The following TMEM178B variants were observed in gnomAD, a reference collection of about 807,000 sequenced individuals.
TMEM178B encodes transmembrane protein 178B.
Under a neutral mutation model 31.0 loss-of-function variants are expected in TMEM178B, and 5 were observed. That is an observed-to-expected ratio of 0.16 (90% CI 0.08 to 0.34). The LOEUF (loss-of-function observed/expected upper bound fraction) is 0.34. Ranked by LOEUF, TMEM178B falls within the 10% of genes least tolerant of loss-of-function variation. The pLI, the probability that TMEM178B is intolerant of heterozygous loss-of-function variation, is 1.00. For synonymous variants in TMEM178B, 164 were observed against 164.0 expected (o/e 1.00, Z 0.00); for missense variants, 275 against 400.3 (o/e 0.69, Z 2.67).
At chr7:141,484,088 C>G (rs1563195283), downstream of TMEM178B, among the ~76,000 whole-genome samples, 1 of 152,138 alleles carries the variant, frequency 6.6e-6, no homozygotes, top group Non-Finnish European at 1.5e-5. This position sits in a 1 kb window ranked among gnomAD's most constrained non-coding sequence, Gnocchi z 4.8. Context: ...CCCACACGTA[C>G]CCCACTCACC....
chr7:141,311,621 T>C (rs1798911617), intron 2 of TMEM178B, among the ~76,000 whole-genome samples: 1 of 152,252 alleles, frequency 6.6e-6, no homozygotes, highest in Admixed American at 6.5e-5. Context: ...CCAATTCTCT[T>C]CTCTGATTTT....
chr7:141,504,569 C>G, the TMEM178B span, among the ~76,000 whole-genome samples: 1 of 152,188 alleles, frequency 6.6e-6, no homozygotes, highest in Admixed American at 6.5e-5. Flanking sequence ...GAATGCTCCT[C>G]AAAATGTTCT....
chr7:141,358,206 C>A (rs1383442189), intron 2 of TMEM178B, among the ~76,000 whole-genome samples: 1 of 152,142 alleles, frequency 6.6e-6, no homozygotes, highest in Non-Finnish European at 1.5e-5. Context: ...AGGAAACATC[C>A]TTTCTTAACA....
chr7:141,221,865 T>C (rs1428283400), intron 2 of TMEM178B, among the ~76,000 whole-genome samples: 1 of 152,248 alleles, frequency 6.6e-6, no homozygotes, highest in Non-Finnish European at 1.5e-5. Flanking sequence ...ATGGGGTCGA[T>C]TGCCTGGAAG....
chr7:141,435,701 A>G (rs557053147), intron 2 of TMEM178B, among the ~76,000 whole-genome samples: 15 of 152,340 alleles, frequency 9.8e-5, no homozygotes, highest in Admixed American at 3.9e-4. Context: ...ATTGTGATCA[A>G]ACGATGGTTT....
rs1249573964 is a variant in TMEM178B, at chr7:141,475,667, GC to G, written c.*4886del. The stretch of plus-strand genomic sequence containing the variant: ...TGGCAGCAAGAGTGCAGGGCCCTGA[GC>G]CCCCAGAGATAGCAAAGAGGCCTAA... On this transcript the variant is annotated 3_prime_UTR_variant, in exon 4 of 4. Coordinates refer to ENST00000565468, the MANE Select transcript of TMEM178B (RefSeq NM_001195278.2). 6.6e-6 allele frequency: 1 copy of G among 152,262 alleles called. No individual in the cohort carries two copies. The highest frequency in any genetic ancestry group is 2.4e-5 in the African/African-American group (1 of 41,422). 9.4% of individuals were successfully genotyped at this position (152,262 alleles called of 1,614,324 possible).
chr7:141,276,268 G>A lies in TMEM178B; in HGVS notation c.496+63564G>A, dbSNP rs186842948. ...GTGAGTCCTGTGGAAACAAGCATGA[G>A]TCAGAGCTGGAAATACACTCATGCA... On this transcript the variant is annotated intron_variant, in intron 2 of 3. Transcript: ENST00000565468. Among the ~76,000 whole-genome samples the A allele has an allele frequency of 3.0e-4, 46 of 152,312 alleles. No homozygotes were observed. In the East Asian group the frequency reaches 7.1e-3, roughly 24 times the overall value.
chr7:141,129,714 GC>G (rs1795563675), intron 1 of TMEM178B, among the ~76,000 whole-genome samples: 1 of 152,142 alleles, frequency 6.6e-6, no homozygotes, highest in Admixed American at 6.5e-5. Context: ...CCTCAGGAGG[GC>G]CTGAGAACAG....
At chr7:141,099,903 C>T (rs528280930) in intron 1 of TMEM178B, among the ~76,000 whole-genome samples, 4 of 149,998 alleles carry the variant, frequency 2.7e-5, no homozygotes, top group Non-Finnish European at 5.9e-5. Context: ...GATCTCGGCT[C>T]ACTGCAAGCT....
At chr7:141,281,751 C>G (rs945989130) in intron 2 of TMEM178B, among the ~76,000 whole-genome samples, 2 of 152,044 alleles carry the variant, frequency 1.3e-5, no homozygotes, top group Admixed American at 6.6e-5. Context: ...ATACTTTCAG[C>G]AGAGGGAACA....
chr7:141,327,541 A>T (rs1295895979), intron 2 of TMEM178B, among the ~76,000 whole-genome samples: 1 of 152,160 alleles, frequency 6.6e-6, no homozygotes, highest in Non-Finnish European at 1.5e-5. Context: ...AGATTTCATG[A>T]ATTTTGACAA....
chr7:141,427,029 A>T (rs1269575888), intron 2 of TMEM178B, among the ~76,000 whole-genome samples: 1 of 152,164 alleles, frequency 6.6e-6, no homozygotes, highest in Non-Finnish European at 1.5e-5. Context: ...CTCTGCAATG[A>T]AAACTATAAA....
At chr7:141,219,479 A>T (rs758956) in intron 2 of TMEM178B, among the ~76,000 whole-genome samples, 1 of 151,926 alleles carries the variant, frequency 6.6e-6, no homozygotes, top group Non-Finnish European at 1.5e-5. Context: ...TGGGATCCAC[A>T]GGGGTCATCA....
chr7:141,184,407 G>A (rs1319124811), intron 1 of TMEM178B, among the ~76,000 whole-genome samples: 3 of 152,094 alleles, frequency 2.0e-5, no homozygotes, highest in Admixed American at 6.5e-5. Flanking sequence ...TGTCTTACGT[G>A]TTTCTAAATG....
intron 1 of TMEM178B, among the ~76,000 whole-genome samples, chr7:141,200,096 G>C (rs1284317834): frequency 6.6e-6 from 1 of 151,932 alleles, no homozygotes; most frequent in Non-Finnish European, 1.5e-5. Context: ...GCCCAGGCTG[G>C]TCTTGAACCC....
At chr7:141,090,276 A>G (rs1338478425) in intron 1 of TMEM178B, among the ~76,000 whole-genome samples, 1 of 152,132 alleles carries the variant, frequency 6.6e-6, no homozygotes, top group Non-Finnish European at 1.5e-5. Flanking sequence ...GCTTTGAACT[A>G]TGACCTCAAG....
chr7:141,219,140 C>T (rs940556815), intron 2 of TMEM178B, among the ~76,000 whole-genome samples: 4 of 152,290 alleles, frequency 2.6e-5, no homozygotes, highest in East Asian at 3.9e-4. Flanking sequence ...GAGTCCCTCC[C>T]GTGTTGTTGT....
chr7:141,337,017 TCACCACCATCACCACCACCACCAC>T (rs1799416463), intron 2 of TMEM178B, among the ~76,000 whole-genome samples: 1 of 18,580 alleles, frequency 5.4e-5, no homozygotes, highest in African/African-American at 4.1e-4. Flanking sequence ...ACCACCACCA[TCACCACCATCACCACCACCACCAC>T]CACCACCATC....
chr7:141,449,561 GGACCA>G (rs1456807657), intron 3 of TMEM178B, among the ~76,000 whole-genome samples: 1 of 152,152 alleles, frequency 6.6e-6, no homozygotes, highest in Non-Finnish European at 1.5e-5. Flanking sequence ...AGGGCAAACC[GGACCA>G]GACCAGACCA....
Sources: gnomAD v4.1 joint callset for allele counts (sites outside exome capture counted in the v4.1 genomes callset) on GRCh38, gnomAD v4.1.1 for gene constraint, Gnocchi (gnomAD v3.1) non-coding constraint, MANE v1.5 for transcripts, NCBI Gene and HGNC (gene_info 2026-07-23, HGNC 2026-07-21) for gene names.